KAZN: variants seen among roughly 807,000 people sequenced by gnomAD.
The protein encoded by KAZN is kazrin.
A neutral mutation model predicts 87.4 loss-of-function variants in KAZN; 40 were observed. The ratio of observed to expected loss-of-function variants is 0.46; its 90% CI spans 0.36 to 0.60. The LOEUF (loss-of-function observed/expected upper bound fraction) is 0.60, where lower values mean the gene tolerates loss of function less well. KAZN is among the 20% of genes least tolerant of loss of function. The probability of loss-of-function intolerance (pLI) is 0.00; values close to 1 mark genes in which losing one functional copy is unlikely to be tolerated. For synonymous variants in KAZN, 466 were observed against 458.3 expected (o/e 1.02, Z -0.22); for missense variants, 898 against 1,073.9 (o/e 0.84, Z 2.29).
In KAZN at chr1:14,880,004, G is replaced by A. The variant is rs536399735; in HGVS notation, c.227-80680G>A. Reference sequence around the variant, plus strand: ...GAATCTCAAGGCAAATAACAGTGGAGCTGAACTTCTGGGCTTCTCAGACAC... The same window carrying A: ...GAATCTCAAGGCAAATAACAGTGGAACTGAACTTCTGGGCTTCTCAGACAC... On this transcript the variant is annotated intron_variant, in intron 1 of 14. Coordinates refer to ENST00000376030, the MANE Select transcript of KAZN (RefSeq NM_201628.3). 5.3e-5 allele frequency among the ~76,000 whole-genome samples: 8 copies of A among 152,324 alleles called. No homozygotes were observed. The East Asian group carries it at 9.7e-4, about 18-fold the overall frequency.
chr1:14,221,752 A>G (rs1466263357), intron 2 of KAZN: 1 of 152,200 alleles, frequency 6.6e-6, no homozygotes. Context: ...GGAAGAAGAC[A>G]AGAATTTTTT....
At chr1:14,981,350 A>C (rs1327558391) in intron 2 of KAZN, among the ~76,000 whole-genome samples, 1 of 152,244 alleles carries the variant, frequency 6.6e-6, no homozygotes, top group Admixed American at 6.5e-5. Context: ...AGCATAGACC[A>C]GTCTTGTGTG....
intron 2 of KAZN, among the ~76,000 whole-genome samples, chr1:14,467,674 CA>C (rs36034022): frequency 3.0e-3 from 229 of 77,338 alleles, no homozygotes; most frequent in Middle Eastern, 0.024. Context: ...ATCCAAAAGG[CA>C]AAAAAAAAAA....
chr1:14,752,767 T>C (rs985588188), intron 1 of KAZN, among the ~76,000 whole-genome samples: 2 of 152,132 alleles, frequency 1.3e-5, no homozygotes, highest in African/African-American at 2.4e-5. Flanking sequence ...ATTCAGACCA[T>C]AGCAAGAGCC....
intron 1 of KAZN, among the ~76,000 whole-genome samples, chr1:14,823,469 T>C (rs1193025104): frequency 6.6e-6 from 1 of 151,930 alleles, no homozygotes; most frequent in Non-Finnish European, 1.5e-5. Flanking sequence ...CCACCCCCAC[T>C]CCCAAGTAGG....
At chr1:14,324,950 T>C (rs183377137) in intron 2 of KAZN, among the ~76,000 whole-genome samples, 1 of 152,332 alleles carries the variant, frequency 6.6e-6, no homozygotes, top group African/African-American at 2.4e-5. Context: ...CATAATTACT[T>C]TTGTGACCCT....
chr1:13,929,610 G>T (rs748672866), intron 1 of KAZN, among the ~76,000 whole-genome samples: 41 of 152,156 alleles, frequency 2.7e-4, no homozygotes, highest in Admixed American at 5.2e-4. Context: ...GTCTACTCAT[G>T]GTTAATAAAG....
At chr1:14,475,906 C>G (rs1161671359) in intron 2 of KAZN, among the ~76,000 whole-genome samples, 1 of 152,064 alleles carries the variant, frequency 6.6e-6, no homozygotes, top group East Asian at 1.9e-4. Context: ...GGTTACTTGT[C>G]ATGCTCTTCT....
At chr1:14,940,964 G>A (rs1661006386) in intron 1 of KAZN, among the ~76,000 whole-genome samples, 1 of 138,424 alleles carries the variant, frequency 7.2e-6, no homozygotes, top group South Asian at 2.4e-4. Context: ...CGACCAGGCT[G>A]GAGTGCAGTG....
intron 2 of KAZN, among the ~76,000 whole-genome samples, chr1:14,359,484 C>T (rs971664173): frequency 2.4e-4 from 36 of 152,290 alleles, no homozygotes; most frequent in Admixed American, 4.6e-4. Flanking sequence ...CATTATGACA[C>T]TAGCTGGTTA....
chr1:14,313,134 A>G (rs1286351417), intron 2 of KAZN, among the ~76,000 whole-genome samples: 1 of 152,144 alleles, frequency 6.6e-6, no homozygotes, highest in Non-Finnish European at 1.5e-5. Flanking sequence ...CACCACTGTA[A>G]CCACTGATTG....
chr1:14,064,080 T>A (rs1642905610), intron 1 of KAZN, among the ~76,000 whole-genome samples: 1 of 152,154 alleles, frequency 6.6e-6, no homozygotes, highest in African/African-American at 2.4e-5. Flanking sequence ...TCTGCCTGGC[T>A]AATTCTTTTG....
intron 1 of KAZN, among the ~76,000 whole-genome samples, chr1:14,122,190 G>A (rs989924906): frequency 6.6e-6 from 1 of 152,146 alleles, no homozygotes; most frequent in South Asian, 2.1e-4. Context: ...GTAAGAGGTG[G>A]TCAGATTCTG....
At chr1:14,863,261 C>A (rs1263045679) in intron 1 of KAZN, among the ~76,000 whole-genome samples, 2 of 152,182 alleles carry the variant, frequency 1.3e-5, no homozygotes, top group Non-Finnish European at 2.9e-5. Context: ...CAGAGGGTGT[C>A]TTGGGCACCC....
Position 14,960,706 on chromosome 1 carries a change from G to A in KAZN, c.249G>A (p.Ser83=), listed in dbSNP as rs148383157. The change falls in exon 2 of 15, where the codon TCG becomes TCA. Residue 83 remains serine, a synonymous_variant. Coordinates refer to ENST00000376030, the MANE Select transcript of KAZN (RefSeq NM_201628.3). ...GAQVLLREEV[S]RLQEEVHLLR... ...TAGTGCTCCTGCGGGAAGAAGTGTCGCGGCTCCAGGAGGAAGTTCACCTTC... is the reference window on the plus strand; with the variant it reads ...TAGTGCTCCTGCGGGAAGAAGTGTCACGGCTCCAGGAGGAAGTTCACCTTC... The A allele has an allele frequency of 8.1e-5, 127 of 1,573,190 alleles. 1 individual carries two copies. The African/African-American group carries it at 1.1e-3, about 13-fold the overall frequency.
At chr1:14,110,580 T>C (rs200867641) in intron 1 of KAZN, among the ~76,000 whole-genome samples, 10 of 77,890 alleles carry the variant, frequency 1.3e-4, no homozygotes, top group Admixed American at 2.4e-4. Flanking sequence ...CTTAGGAGGT[T>C]TTATTTGCAT....
In KAZN at chr1:14,499,937, C is replaced by T. The variant is rs192359750; in HGVS notation, c.250-99046C>T. On this transcript the variant is annotated intron_variant, in intron 2 of 16. Transcript: ENST00000636203. ...CAGGCGCAGTAGCAGAGGCCCACCACGCTGTTCAAGGCACCTGATGTTTCA... is the reference window on the plus strand; with the variant it reads ...CAGGCGCAGTAGCAGAGGCCCACCATGCTGTTCAAGGCACCTGATGTTTCA... Among the ~76,000 whole-genome samples the T allele has an allele frequency of 2.8e-3, 424 of 152,300 alleles. 5 individuals carry two copies. The highest frequency in any genetic ancestry group is 0.022 in the Admixed American group (344 of 15,304).
chr1:13,921,922 C>A (rs1281981684), intron 1 of KAZN, among the ~76,000 whole-genome samples: 1 of 152,168 alleles, frequency 6.6e-6, no homozygotes, highest in Non-Finnish European at 1.5e-5. Context: ...CGAGCCACTG[C>A]GTCCAGCCCC....
At chr1:14,084,270 T>C (rs1643783468) in intron 1 of KAZN, among the ~76,000 whole-genome samples, 2 of 152,154 alleles carry the variant, frequency 1.3e-5, no homozygotes, top group Non-Finnish European at 1.5e-5. Flanking sequence ...GTTTCTGGAT[T>C]GTGGCCTTGG....
Sources: gnomAD v4.1 joint callset for allele counts (sites outside exome capture counted in the v4.1 genomes callset) on GRCh38, gnomAD v4.1.1 for gene constraint, MANE v1.5 for transcripts, NCBI Gene and HGNC (gene_info 2026-07-23, HGNC 2026-07-21) for gene names.